Variants in GADL1 observed in about 807,000 individuals in gnomAD.
The protein encoded by GADL1 is acidic amino acid decarboxylase GADL1.
Under a neutral mutation model 69.5 loss-of-function variants are expected in GADL1, and 71 were observed. The observed-to-expected ratio is 1.02, with a 90% CI of 0.84 to 1.25. The LOEUF (loss-of-function observed/expected upper bound fraction) is 1.25. GADL1 is among the 50% of genes most tolerant of loss of function. GADL1 has a pLI of 0.00. For synonymous variants in GADL1, 254 were observed against 214.4 expected (o/e 1.18, Z -1.62); for missense variants, 737 against 631.8 (o/e 1.17, Z -1.79).
rs888128166 is a variant in GADL1, at chr3:30,838,506, C to T, written c.903+491G>A. Among the ~76,000 whole-genome samples the T allele has an allele frequency of 2.6e-5, 4 of 152,048 alleles. No individual in the cohort carries two copies. In the South Asian group the frequency reaches 8.3e-4, roughly 31 times the overall value. ...GAAAATTTGCTTTAGTTATAGCATG[C>T]AATTATGCATTGTAGCTTTTTTGCA... On this transcript the variant is annotated intron_variant, in intron 9 of 14. Coordinates refer to ENST00000282538, the MANE Select transcript of GADL1 (RefSeq NM_207359.3).
At chr3:30,791,397 T>C (rs1338546194) in intron 12 of GADL1, among the ~76,000 whole-genome samples, 3 of 152,138 alleles carry the variant, frequency 2.0e-5, no homozygotes, top group African/African-American at 2.4e-5. Flanking sequence ...CTAAATAACT[T>C]TGTGAGTCTA....
intron 14 of GADL1, among the ~76,000 whole-genome samples, chr3:30,770,676 T>C (rs922930734): frequency 1.3e-5 from 2 of 152,246 alleles, no homozygotes; most frequent in East Asian, 1.9e-4. Flanking sequence ...CTCAGAGAAC[T>C]GGTCTCATCC....
intron 4 of GADL1, among the ~76,000 whole-genome samples, chr3:30,853,997 ATC>A (rs575630262): frequency 5.0e-4 from 76 of 151,326 alleles, no homozygotes; most frequent in Non-Finnish European, 8.9e-4. Flanking sequence ...TCTGGCTTCT[ATC>A]TCTCTCTCTC....
intron 11 of GADL1, among the ~76,000 whole-genome samples, chr3:30,826,372 G>C (rs144182341): frequency 1.3e-5 from 2 of 151,838 alleles, no homozygotes; most frequent in Non-Finnish European, 2.9e-5. Context: ...AAAGGTTGGC[G>C]TTCCATACTG....
chr3:30,812,076 T>G (rs1170348644), intron 11 of GADL1, among the ~76,000 whole-genome samples: 1 of 152,218 alleles, frequency 6.6e-6, no homozygotes, highest in African/African-American at 2.4e-5. Flanking sequence ...TTATCTGACT[T>G]ACTTTTTTGC....
chr3:30,793,450 A>T (rs959988726), intron 12 of GADL1, among the ~76,000 whole-genome samples: 1 of 152,216 alleles, frequency 6.6e-6, no homozygotes, highest in Non-Finnish European at 1.5e-5. Flanking sequence ...GACATAATGC[A>T]GAAACCATAA....
rs762111432 is a variant in GADL1, at chr3:30,800,938, C to G, written c.1201G>C (p.Gly401Arg). The part of the protein sequence containing the change: ...FKFWMTWKAL[G>R]TLGLEERVNR... ...ACTCTTTCTTCAAGGCCTAATGTAC[C>G]CAGGGCCTTCCAGGTCATCCAGAAC... The change falls in exon 12 of 15, where the codon GGT becomes CGT. Residue 401 changes from glycine (G) to arginine (R), a missense_variant. Gly to Arg is a moderately radical substitution (Grantham distance 125, BLOSUM62 -2). Coordinates refer to ENST00000282538, the MANE Select transcript of GADL1 (RefSeq NM_207359.3). 2 of 1,612,206 alleles carry G rather than the reference C, an allele frequency of 1.2e-6. No individual in the cohort carries two copies. The highest frequency in any genetic ancestry group is 2.2e-5 in the South Asian group (2 of 91,014).
intron 14 of GADL1, among the ~76,000 whole-genome samples, chr3:30,748,788 T>TA (rs1413104317): frequency 6.6e-6 from 1 of 152,238 alleles, no homozygotes; most frequent in Non-Finnish European, 1.5e-5. Context: ...GAAAGCTGAA[T>TA]ATAATTCAAC....
intron 13 of GADL1, among the ~76,000 whole-genome samples, chr3:30,780,753 A>T (rs968143790): frequency 6.6e-6 from 1 of 152,220 alleles, no homozygotes; most frequent in Admixed American, 6.5e-5. Flanking sequence ...TTTAGAATGG[A>T]ATGGCTTCAG....
intron 14 of GADL1, among the ~76,000 whole-genome samples, chr3:30,773,091 A>C (rs545729357): frequency 1.2e-4 from 18 of 152,222 alleles, no homozygotes; most frequent in African/African-American, 4.1e-4. Flanking sequence ...TAGTTTGCAA[A>C]CTAATTAATT....
At chr3:30,749,877 C>G (rs925077316) in intron 14 of GADL1, among the ~76,000 whole-genome samples, 2 of 152,182 alleles carry the variant, frequency 1.3e-5, no homozygotes, top group African/African-American at 4.8e-5. Context: ...AATGGGCTAT[C>G]TGTCATAACT....
rs1698708169 is a variant in GADL1 at position 30,886,311 on chromosome 3, AAAG to A, written c.37+8264_37+8266del. On this transcript the variant is annotated intron_variant, in intron 1 of 14. Transcript: ENST00000282538. Reference sequence around the variant, plus strand: ...TAGTCAAGAGGACTAGATATATCCAAAAGAAGAAGCAATATGGAGCCATTTCTG... The same window carrying A: ...TAGTCAAGAGGACTAGATATATCCAAAAGAAGCAATATGGAGCCATTTCTG... Among the ~76,000 whole-genome samples, 13 of 152,264 alleles carry A rather than the reference AAAG, an allele frequency of 8.5e-5. No individual in the cohort carries two copies. The South Asian group carries it at 2.7e-3, about 32-fold the overall frequency.
chr3:30,744,171 G>A (rs1695667151), intron 14 of GADL1, among the ~76,000 whole-genome samples: 1 of 152,198 alleles, frequency 6.6e-6, no homozygotes, highest in Admixed American at 6.5e-5. Context: ...ATCTAGGTGA[G>A]TTCTACTTTA....
At chr3:30,774,655 TTC>T (rs763154634) in intron 14 of GADL1, among the ~76,000 whole-genome samples, 56 of 152,314 alleles carry the variant, frequency 3.7e-4, no homozygotes, top group Non-Finnish European at 6.2e-4. Flanking sequence ...CTTATAAACT[TTC>T]TCTTTCATAT....
At chr3:30,884,446 A>C (rs977683488) in intron 1 of GADL1, among the ~76,000 whole-genome samples, 1 of 152,176 alleles carries the variant, frequency 6.6e-6, no homozygotes, top group African/African-American at 2.4e-5. Flanking sequence ...AACCAAATTC[A>C]GTTCCCTAAA....
At chr3:30,855,824 G>T (rs922331570) in intron 3 of GADL1, among the ~76,000 whole-genome samples, 1 of 146,706 alleles carries the variant, frequency 6.8e-6, no homozygotes. Context: ...TCTGGTTTTA[G>T]TTTATTTTAG....
intron 14 of GADL1, among the ~76,000 whole-genome samples, chr3:30,751,985 G>A (rs932633387): frequency 1.4e-5 from 2 of 144,098 alleles, no homozygotes; most frequent in African/African-American, 2.8e-5. Flanking sequence ...ACTTACTGAT[G>A]GCTGTCTAAA....
intron 11 of GADL1, among the ~76,000 whole-genome samples, chr3:30,830,319 C>G (rs1310327850): frequency 6.6e-6 from 1 of 151,818 alleles, no homozygotes; most frequent in East Asian, 1.9e-4. Context: ...TTTCCCTGGG[C>G]CTTTGGATCT....
At chr3:30,763,504 CGGCGGG>C (rs1178753498) in intron 14 of GADL1, among the ~76,000 whole-genome samples, 2 of 8,210 alleles carry the variant, frequency 2.4e-4, no homozygotes, top group African/African-American at 2.2e-3. Context: ...TCCGTCTCGG[CGGCGGG>C]GGGTGGGGGT....
Sources: gnomAD v4.1 joint callset for allele counts (sites outside exome capture counted in the v4.1 genomes callset) on GRCh38, gnomAD v4.1.1 for gene constraint, MANE v1.5 for transcripts, NCBI Gene and HGNC (gene_info 2026-07-23, HGNC 2026-07-21) for gene names.